The following TSPAN5 variants were observed in gnomAD, a reference collection of about 807,000 sequenced individuals.
TSPAN5 encodes tetraspanin-5.
In TSPAN5, 10 loss-of-function variants were observed where a neutral mutation model predicts 37.1. That is an observed-to-expected ratio of 0.27 (90% CI 0.17 to 0.46). The LOEUF (loss-of-function observed/expected upper bound fraction) is 0.46. Among genes scored for constraint, TSPAN5 ranks in the 20% least tolerant of loss-of-function variants. TSPAN5 has a pLI of 1.00. For synonymous variants in TSPAN5, 110 were observed against 118.9 expected, an observed-to-expected ratio of 0.93 and a Z score of 0.48; for missense variants, 195 against 326.6, an observed-to-expected ratio of 0.60 and a Z score of 3.11.
rs1016980753 is a variant in TSPAN5, at chr4:98,559,066, C to A, written c.82-51338G>T. Among the ~76,000 whole-genome samples the A allele has an allele frequency of 3.5e-4, 54 of 152,172 alleles. 1 individual carries two copies. Among genetic ancestry groups the A allele is most frequent in the Admixed American group, 3.4e-3 (52 of 15,274 alleles). ...TGCCTAAAACCTGTACTGTCTCTGG[C>A]TTGCATGTTCCCTTCCATGAATATA... is the stretch of plus-strand genomic sequence containing the variant. On this transcript the variant is annotated intron_variant, in intron 1 of 7. Coordinates refer to ENST00000305798, the MANE Select transcript of TSPAN5 (RefSeq NM_005723.4).
chr4:98,535,186 T>C (rs1248925675), intron 1 of TSPAN5, among the ~76,000 whole-genome samples: 1 of 152,202 alleles, frequency 6.6e-6, no homozygotes, highest in Non-Finnish European at 1.5e-5. Flanking sequence ...TTCCTGTCCA[T>C]GTTTAGTGCT....
intron 1 of TSPAN5, among the ~76,000 whole-genome samples, chr4:98,522,007 T>G (rs1753868255): frequency 6.6e-6 from 1 of 152,240 alleles, no homozygotes; most frequent in Non-Finnish European, 1.5e-5. Context: ...CTGTAAATAT[T>G]AAAAGTTCCT....
intron 1 of TSPAN5, among the ~76,000 whole-genome samples, chr4:98,572,919 G>T (rs1755158405): frequency 6.6e-6 from 1 of 152,204 alleles, no homozygotes; most frequent in Admixed American, 6.5e-5. Context: ...TTTGTTTAAA[G>T]AATCTTGCCC....
At chr4:98,644,116 A>AT (rs1382142156) in intron 1 of TSPAN5, among the ~76,000 whole-genome samples, 2 of 151,430 alleles carry the variant, frequency 1.3e-5, no homozygotes, top group African/African-American at 4.9e-5. Flanking sequence ...AGATTTATTG[A>AT]TTTATTTTTT....
At chr4:98,574,339 C>G (rs1579002407) in intron 1 of TSPAN5, 2 of 152,158 alleles carry the variant, frequency 1.3e-5, no homozygotes, top group African/African-American at 4.8e-5. Flanking sequence ...GTTTATTTTA[C>G]CCCCTGCACT....
chr4:98,592,355 C>A (rs1379731996), intron 1 of TSPAN5, among the ~76,000 whole-genome samples: 1 of 143,774 alleles, frequency 7.0e-6, no homozygotes, highest in Non-Finnish European at 1.5e-5. Flanking sequence ...AGCCAGTATT[C>A]AAAAAACCAG....
chr4:98,486,434 A>T (rs1752960441), intron 3 of TSPAN5: 1 of 248,782 alleles, frequency 4.0e-6, no homozygotes, highest in Non-Finnish European at 7.5e-6. Flanking sequence ...CTTAGAAGAA[A>T]ATATATATAT....
intron 1 of TSPAN5, among the ~76,000 whole-genome samples, chr4:98,529,396 G>A (rs945413003): frequency 1.3e-5 from 2 of 152,226 alleles, no homozygotes; most frequent in Admixed American, 6.5e-5. Flanking sequence ...AAAACTGCCC[G>A]AAGTGGGCAT....
chr4:98,650,841 C>T (rs2110290635), intron 1 of TSPAN5, among the ~76,000 whole-genome samples: 1 of 152,254 alleles, frequency 6.6e-6, no homozygotes, highest in South Asian at 2.1e-4. Context: ...TGCTCAAAGA[C>T]TGATGGGAGT....
At chr4:98,609,011 T>G (rs1266173262) in intron 1 of TSPAN5, among the ~76,000 whole-genome samples, 2 of 152,150 alleles carry the variant, frequency 1.3e-5, no homozygotes, top group Non-Finnish European at 1.5e-5. Context: ...AAACTTTACC[T>G]CTCACTCTCT....
chr4:98,490,471 C>G (rs1481962725), intron 2 of TSPAN5, among the ~76,000 whole-genome samples: 1 of 152,078 alleles, frequency 6.6e-6, no homozygotes, highest in Non-Finnish European at 1.5e-5. Flanking sequence ...ACTGTTTCCA[C>G]GGAAACAACA....
At chr4:98,560,164 T>C (rs1336856334) in intron 1 of TSPAN5, 1 of 152,234 alleles carries the variant, frequency 6.6e-6, no homozygotes, top group African/African-American at 2.4e-5. Context: ...CAAGACAAGC[T>C]GCTAACTTAC....
intron 1 of TSPAN5, among the ~76,000 whole-genome samples, chr4:98,589,648 C>T (rs189275714): frequency 1.4e-4 from 21 of 152,296 alleles, no homozygotes; most frequent in Non-Finnish European, 2.4e-4. Context: ...GCCAGCTACG[C>T]GCAGACTACC....
At chr4:98,592,305 T>C (rs1048074184) in intron 1 of TSPAN5, among the ~76,000 whole-genome samples, 6 of 149,380 alleles carry the variant, frequency 4.0e-5, no homozygotes, top group African/African-American at 1.5e-4. Flanking sequence ...ATGGAATCGC[T>C]CCTGTTCGGT....
intron 1 of TSPAN5, among the ~76,000 whole-genome samples, chr4:98,625,095 T>C (rs1330879411): frequency 6.6e-6 from 1 of 152,210 alleles, no homozygotes; most frequent in African/African-American, 2.4e-5. Flanking sequence ...TAATAATTGT[T>C]GAGTGCTTAT....
intron 1 of TSPAN5, among the ~76,000 whole-genome samples, chr4:98,545,994 G>T (rs759353146): frequency 3.4e-5 from 5 of 147,236 alleles, no homozygotes; most frequent in Non-Finnish European, 1.5e-5. Flanking sequence ...ACAAATGTTT[G>T]CTATTAATAT....
intron 1 of TSPAN5, among the ~76,000 whole-genome samples, chr4:98,588,134 T>C (rs1163173146): frequency 6.6e-6 from 1 of 152,180 alleles, no homozygotes; most frequent in Non-Finnish European, 1.5e-5. Flanking sequence ...CCTTTCATTT[T>C]CCTGTTTTGT....
At chr4:98,588,592 T>C (rs1755552593) in intron 1 of TSPAN5, among the ~76,000 whole-genome samples, 1 of 152,218 alleles carries the variant, frequency 6.6e-6, no homozygotes, top group Admixed American at 6.5e-5. Context: ...CTTCCAGTTT[T>C]CTCATTATTC....
At chr4:98,657,025 C>T (rs1331971245) in intron 1 of TSPAN5, among the ~76,000 whole-genome samples, 3 of 152,146 alleles carry the variant, frequency 2.0e-5, no homozygotes, top group Non-Finnish European at 2.9e-5. Flanking sequence ...AGAGAACCCC[C>T]TACCCAGACA....
Sources: gnomAD v4.1 joint callset for allele counts (sites outside exome capture counted in the v4.1 genomes callset) on GRCh38, gnomAD v4.1.1 for gene constraint, MANE v1.5 for transcripts, NCBI Gene and HGNC (gene_info 2026-07-23, HGNC 2026-07-21) for gene names.